The following MYO6 variants were observed in gnomAD, a reference collection of about 807,000 sequenced individuals.
MYO6 encodes myosin VI.
Under a neutral mutation model 178.7 loss-of-function variants are expected in MYO6, and 74 were observed. That is an observed-to-expected ratio of 0.41 (90% CI 0.34 to 0.50). The LOEUF is 0.50. Among genes scored for constraint, MYO6 ranks in the 20% least tolerant of loss-of-function variants. The pLI, the probability that MYO6 is intolerant of heterozygous loss-of-function variation, is 0.09. For synonymous variants in MYO6, 477 were observed against 504.6 expected (o/e 0.95, Z 0.73); for missense variants, 1,330 against 1,547.4 (o/e 0.86, Z 2.36).
In MYO6 at chr6:75,753,439, A is replaced by ATG. The variant is rs1246409309; in HGVS notation, c.-48+4017_-48+4018insGT. Among the ~76,000 whole-genome samples, 41 of 137,420 alleles carry ATG rather than the reference A, an allele frequency of 3.0e-4. 1 individual carries two copies. Among genetic ancestry groups the ATG allele is most frequent in the African/African-American group, 1.1e-3 (39 of 36,374 alleles). 90.2% of individuals were successfully genotyped at this position (137,420 alleles called of 152,430 possible). A position where few individuals can be genotyped will look rare whatever the true frequency, so the allele number is the denominator to read the frequency against. ...CTATATGCATGTATCTATGATCTATATATGTGTGTGTGTGTGTATATATAT... is the reference window on the plus strand; with the variant it reads ...CTATATGCATGTATCTATGATCTATATGTATGTGTGTGTGTGTGTATATATAT... On this transcript the variant is annotated intron_variant, in intron 1 of 34. Coordinates refer to ENST00000369977, the MANE Select transcript of MYO6 (RefSeq NM_004999.4).
chr6:75,898,306 G>C, intron 29 of MYO6, 67 bp from the exon 30 acceptor site: 1 of 1,024,030 alleles, frequency 9.8e-7, no homozygotes, highest in Non-Finnish European at 1.5e-6. Context: ...TATACTTTTA[G>C]ATCTTTTAAT....
intron 1 of MYO6, among the ~76,000 whole-genome samples, chr6:75,814,549 C>G (rs1435968153): frequency 6.6e-6 from 1 of 152,092 alleles, no homozygotes; most frequent in Non-Finnish European, 1.5e-5. Context: ...GCCACCGTTC[C>G]TGGCTGAGCG....
intron 3 of MYO6, among the ~76,000 whole-genome samples, chr6:75,823,251 C>T (rs1772090119): frequency 6.6e-6 from 1 of 152,106 alleles, no homozygotes; most frequent in African/African-American, 2.4e-5. Flanking sequence ...TTGAAGCAAA[C>T]ATGCATTTAA....
chr6:75,777,358 C>T (rs933614794), intron 1 of MYO6, among the ~76,000 whole-genome samples: 1 of 152,090 alleles, frequency 6.6e-6, no homozygotes, highest in African/African-American at 2.4e-5. Context: ...GTTTGAAACA[C>T]AGACTTTGGG....
intron 30 of MYO6, among the ~76,000 whole-genome samples, chr6:75,899,927 T>G (rs1779613387): frequency 7.6e-6 from 1 of 131,510 alleles, no homozygotes; most frequent in East Asian, 2.3e-4. Flanking sequence ...GATGTTCCCC[T>G]TCCTGTGTCC....
At chr6:75,787,214 G>T (rs1472202077) in intron 1 of MYO6, among the ~76,000 whole-genome samples, 1 of 152,128 alleles carries the variant, frequency 6.6e-6, no homozygotes, top group Non-Finnish European at 1.5e-5. Flanking sequence ...ACTCTCATAT[G>T]TTGCTTACCA....
chr6:75,896,772 A>C (rs1298641367), intron 29 of MYO6, among the ~76,000 whole-genome samples: 1 of 152,202 alleles, frequency 6.6e-6, no homozygotes, highest in East Asian at 1.9e-4. Context: ...TTACCACAAT[A>C]CTGCCCCAAA....
chr6:75,914,324 G>A (rs1476956782), intron 34 of MYO6, 43 bp downstream of exon 34: 1 of 1,552,740 alleles, frequency 6.4e-7, no homozygotes, highest in Non-Finnish European at 8.9e-7. Flanking sequence ...GAACAAAAAA[G>A]ATCATAAACT....
At chr6:75,832,258 T>C (rs1349533623) in intron 5 of MYO6, among the ~76,000 whole-genome samples, 3 of 152,186 alleles carry the variant, frequency 2.0e-5, no homozygotes, top group Non-Finnish European at 2.9e-5. Flanking sequence ...AGTTGTAAAA[T>C]GTTGACAAAT....
intron 1 of MYO6, among the ~76,000 whole-genome samples, chr6:75,797,041 A>G (rs781076161): frequency 4.6e-5 from 7 of 152,110 alleles, no homozygotes; most frequent in Non-Finnish European, 7.4e-5. Flanking sequence ...TGTGATGAAC[A>G]TACAAGGGCA....
chr6:75,855,103 T>C, intron 11 of MYO6, 36 bp from the exon 12 acceptor site: 1 of 1,516,854 alleles, frequency 6.6e-7, no homozygotes, highest in Non-Finnish European at 9.0e-7. Flanking sequence ...GTTTATATAA[T>C]ACTTATTAAT....
At chr6:75,913,305 G>A (rs1214103210) in intron 33 of MYO6, among the ~76,000 whole-genome samples, 2 of 152,168 alleles carry the variant, frequency 1.3e-5, no homozygotes, top group Admixed American at 6.5e-5. Flanking sequence ...TGATATGAAT[G>A]AAATGCCCAG....
At chr6:75,904,683 G>A (rs938098494) in intron 30 of MYO6, among the ~76,000 whole-genome samples, 45 of 152,078 alleles carry the variant, frequency 3.0e-4, no homozygotes, top group African/African-American at 9.6e-4. Context: ...ATGTCCTCCC[G>A]TAGCTCGGAG....
intron 30 of MYO6, among the ~76,000 whole-genome samples, chr6:75,906,631 G>T (rs1780347707): frequency 6.6e-6 from 1 of 152,040 alleles, no homozygotes. Flanking sequence ...AGCCAAGATT[G>T]TACCACTGCA....
chr6:75,871,311 G>A (rs959215080), intron 19 of MYO6, among the ~76,000 whole-genome samples: 4 of 152,162 alleles, frequency 2.6e-5, no homozygotes, highest in Non-Finnish European at 5.9e-5. Context: ...GTGCAGTGGT[G>A]CAATCACAAC....
Position 75,915,082 on chromosome 6 carries a change from T to G in MYO6, c.*70T>G. 1.5e-6 allele frequency: 2 copies of G among 1,368,186 alleles called. No homozygotes were observed. The highest frequency in any genetic ancestry group is 2.5e-5 in the South Asian group (2 of 81,136). The allele number at this position is 1,368,186 out of a possible 1,614,324, so 84.8% of individuals were successfully genotyped here. A position where few individuals can be genotyped will look rare whatever the true frequency, so the allele number is the denominator to read the frequency against. ...TTAGGTAGGGTGTGTGCCCCCAGAT[T>G]TAACCATTCCATAATCATGTTAGAG... On this transcript the variant is annotated 3_prime_UTR_variant, in exon 35 of 35. Transcript: ENST00000369977.
chr6:75,766,667 A>G (rs1310478296), intron 1 of MYO6, among the ~76,000 whole-genome samples: 1 of 152,190 alleles, frequency 6.6e-6, no homozygotes, highest in Non-Finnish European at 1.5e-5. Flanking sequence ...GCATTGCTCT[A>G]TAATGTGATT....
chr6:75,790,533 C>T (rs1428560616), intron 1 of MYO6, among the ~76,000 whole-genome samples: 1 of 152,062 alleles, frequency 6.6e-6, no homozygotes, highest in Non-Finnish European at 1.5e-5. Flanking sequence ...AGGTGTGTGC[C>T]ATCACCCCTG....
At chr6:75,863,625 A>C (rs1157837864) in intron 16 of MYO6, among the ~76,000 whole-genome samples, 1 of 152,044 alleles carries the variant, frequency 6.6e-6, no homozygotes, top group Non-Finnish European at 1.5e-5. Flanking sequence ...AACTGGGATT[A>C]TAGGCATGCA....
Sources: gnomAD v4.1 joint callset for allele counts (sites outside exome capture counted in the v4.1 genomes callset) on GRCh38, gnomAD v4.1.1 for gene constraint, MANE v1.5 for transcripts, NCBI Gene and HGNC (gene_info 2026-07-23, HGNC 2026-07-21) for gene names.